The following BCKDHB variants were observed in gnomAD, a reference collection of about 807,000 sequenced individuals.
The protein encoded by BCKDHB is 2-oxoisovalerate dehydrogenase subunit beta, mitochondrial.
BCKDHB carries 41 observed loss-of-function variants against 48.5 expected under a neutral mutation model. The ratio of observed to expected loss-of-function variants is 0.85; its 90% confidence interval spans 0.66 to 1.10. BCKDHB has a LOEUF of 1.10. Ranked by LOEUF, BCKDHB falls within the 50% of genes least tolerant of loss-of-function variation. The pLI is 0.00. For missense variants in BCKDHB, 496 were observed against 494.2 expected, an observed-to-expected ratio of 1.00 and a Z score of -0.03; for synonymous variants, 201 against 174.8, an observed-to-expected ratio of 1.15 and a Z score of -1.18.
the BCKDHB span, among the ~76,000 whole-genome samples, chr6:80,396,264 G>A: frequency 1.3e-5 from 2 of 152,174 alleles, no homozygotes; most frequent in East Asian, 3.9e-4. Flanking sequence ...AGCCAGGAGG[G>A]GTGCTGTTCC....
At chr6:80,192,263 T>A (rs1048843159) in intron 6 of BCKDHB, among the ~76,000 whole-genome samples, 4 of 152,216 alleles carry the variant, frequency 2.6e-5, no homozygotes, top group Non-Finnish European at 5.9e-5. Context: ...TGTATAATTC[T>A]TTTTGTTAGG....
the BCKDHB span, among the ~76,000 whole-genome samples, chr6:80,389,963 T>C: frequency 1.3e-5 from 2 of 152,196 alleles, no homozygotes; most frequent in African/African-American, 2.4e-5. Context: ...TCTGCTGGCC[T>C]AGAGGTCTTA....
At chr6:80,186,347 G>A (rs1022724342) in intron 6 of BCKDHB, among the ~76,000 whole-genome samples, 5 of 152,096 alleles carry the variant, frequency 3.3e-5, no homozygotes, top group African/African-American at 1.2e-4. Flanking sequence ...AGGGAAGGGG[G>A]GAAAGCCGGC....
intron 6 of BCKDHB, among the ~76,000 whole-genome samples, chr6:80,189,133 A>G (rs960614897): frequency 6.6e-6 from 1 of 152,256 alleles, no homozygotes; most frequent in Non-Finnish European, 1.5e-5. Flanking sequence ...ACTTACATTT[A>G]ATAAATAGAT....
At chr6:80,342,247 G>C (rs750979627) in intron 9 of BCKDHB, among the ~76,000 whole-genome samples, 1 of 152,012 alleles carries the variant, frequency 6.6e-6, no homozygotes. Flanking sequence ...TGTGAACATA[G>C]TATAATATGT....
chr6:80,443,806 A>G, the BCKDHB span, among the ~76,000 whole-genome samples: 3 of 152,028 alleles, frequency 2.0e-5, no homozygotes, highest in Non-Finnish European at 4.4e-5. Flanking sequence ...CACAAATTGC[A>G]TTGAGTGTCC....
At chr6:80,190,227 T>C (rs1278137028) in intron 6 of BCKDHB, among the ~76,000 whole-genome samples, 1 of 152,184 alleles carries the variant, frequency 6.6e-6, no homozygotes, top group Non-Finnish European at 1.5e-5. Flanking sequence ...AACACTTTGA[T>C]TAGTCTCAGG....
rs190243540 is a variant in BCKDHB at position 80,311,491 on chromosome 6, C to T, written c.1039-32173C>T. On this transcript the variant is annotated intron_variant, in intron 9 of 9. Coordinates refer to ENST00000320393, the MANE Select transcript of BCKDHB (RefSeq NM_183050.4). ...TTGTTGCAATTGCTTTTGGCATCTT[C>T]GTCAAGAAATCTTTGCCTGTGCTTA... 1.3e-3 allele frequency among the ~76,000 whole-genome samples: 192 copies of T among 152,250 alleles called. 1 individual carries two copies. Among genetic ancestry groups the T allele is most frequent in the Admixed American group, 8.0e-3 (122 of 15,278 alleles).
chr6:80,168,601 GAAGA>G (rs1215692273), intron 4 of BCKDHB, among the ~76,000 whole-genome samples: 3 of 97,678 alleles, frequency 3.1e-5, no homozygotes, highest in East Asian at 7.2e-4. Context: ...GGAAAGGAAG[GAAGA>G]AAGGAAGGAA....
rs192360673 is a variant in BCKDHB, at chr6:80,292,043, T to A, written c.1038+18822T>A. Among the ~76,000 whole-genome samples the A allele has an allele frequency of 5.2e-3, 788 of 152,250 alleles. 3 individuals are homozygous for A. Among genetic ancestry groups the A allele is most frequent in the Admixed American group, 6.0e-3 (92 of 15,304 alleles). On this transcript the variant is annotated intron_variant, in intron 9 of 9. Transcript: ENST00000320393. The stretch of plus-strand genomic sequence containing the variant: ...GACCTAGGAGTTGGGTAAATTCCCC[T>A]CCTTTTATGGTCTGAAGATAACTTG...
intron 8 of BCKDHB, among the ~76,000 whole-genome samples, chr6:80,210,117 T>C (rs2127839280): frequency 7.5e-6 from 1 of 133,406 alleles, no homozygotes; most frequent in African/African-American, 2.9e-5. Context: ...CCTGTATGTG[T>C]ATATGTGAAG....
At chr6:80,431,898 A>C in the BCKDHB span, among the ~76,000 whole-genome samples, 959 of 152,324 alleles carry the variant, frequency 6.3e-3, 7 homozygotes, top group African/African-American at 0.021. Context: ...ATGGTGACAA[A>C]ATCTCTCAGC....
At chr6:80,273,883 T>C (rs1327582955) in intron 9 of BCKDHB, among the ~76,000 whole-genome samples, 1 of 151,992 alleles carries the variant, frequency 6.6e-6, no homozygotes, top group African/African-American at 2.4e-5. Flanking sequence ...CATAGACATA[T>C]ATAAGATAAT....
In BCKDHB at chr6:80,223,201, G is replaced by A. The variant is rs192122457; in HGVS notation, c.951+19989G>A. On this transcript the variant is annotated intron_variant, in intron 8 of 9. Coordinates refer to ENST00000320393, the MANE Select transcript of BCKDHB (RefSeq NM_183050.4). Reference sequence around the variant, plus strand: ...TGTTCCAAATTATATCTATCATTGTGAAGAGATTAATTTCTGTTCTATATG... The same window carrying A: ...TGTTCCAAATTATATCTATCATTGTAAAGAGATTAATTTCTGTTCTATATG... 3.0e-3 allele frequency among the ~76,000 whole-genome samples: 453 copies of A among 152,234 alleles called. 1 individual carries two copies. Among genetic ancestry groups the A allele is most frequent in the African/African-American group, 0.011 (438 of 41,546 alleles).
intron 9 of BCKDHB, among the ~76,000 whole-genome samples, chr6:80,310,159 C>T (rs778258841): frequency 2.8e-4 from 42 of 151,240 alleles, no homozygotes; most frequent in Non-Finnish European, 1.2e-4. Flanking sequence ...CATAGGTAAA[C>T]ATCTGTCCTG....
intron 1 of BCKDHB, among the ~76,000 whole-genome samples, chr6:80,116,268 C>A (rs756594991): frequency 1.4e-4 from 21 of 152,194 alleles, no homozygotes; most frequent in Non-Finnish European, 2.6e-4. Flanking sequence ...CATTTGCCCC[C>A]CTCCTGCAGT....
At chr6:80,129,107 AGTATTATTTAGAGATTATTAAATAAAAT>A in intron 2 of BCKDHB, 26 bp from the exon 3 acceptor site, 1 of 1,216,266 alleles carries the variant, frequency 8.2e-7, no homozygotes, top group East Asian at 2.5e-5. Context: ...TCTCATTGTT[AGTATTATTTAGAGATTATTAAATAAAAT>A]GTATTATTTA....
At chr6:80,368,762 G>A in the BCKDHB span, among the ~76,000 whole-genome samples, 1 of 151,970 alleles carries the variant, frequency 6.6e-6, no homozygotes, top group African/African-American at 2.4e-5. Context: ...TGTAATCCCA[G>A]CATTTTGGGA....
chr6:80,287,179 A>G (rs1304702522), intron 9 of BCKDHB, among the ~76,000 whole-genome samples: 1 of 152,174 alleles, frequency 6.6e-6, no homozygotes, highest in East Asian at 1.9e-4. Flanking sequence ...AGAGTCAGAG[A>G]GATCCCAAGC....
Sources: gnomAD v4.1 joint callset for allele counts (sites outside exome capture counted in the v4.1 genomes callset) on GRCh38, gnomAD v4.1.1 for gene constraint, MANE v1.5 for transcripts, NCBI Gene and HGNC (gene_info 2026-07-23, HGNC 2026-07-21) for gene names.